Variants in GNAQ observed in about 807,000 individuals in gnomAD.
The protein encoded by GNAQ is G protein subunit alpha q, also known as guanine nucleotide-binding protein G(q) subunit alpha.
A neutral mutation model predicts 43.9 loss-of-function variants in GNAQ; 8 were observed. That is an observed-to-expected ratio of 0.18 (90% CI 0.11 to 0.33). GNAQ has a LOEUF of 0.33. Ranked by LOEUF, GNAQ falls within the 10% of genes least tolerant of loss-of-function variation. GNAQ has a pLI of 1.00. For synonymous variants in GNAQ, 155 were observed against 170.7 expected (o/e 0.91, Z 0.71); for missense variants, 158 against 450.8 (o/e 0.35, Z 5.88).
At chr9:77,762,310 C>T (rs1826051048) in intron 5 of GNAQ, among the ~76,000 whole-genome samples, 1 of 147,804 alleles carries the variant, frequency 6.8e-6, no homozygotes. Flanking sequence ...GGGGGTCAGC[C>T]CCCCGCCCGG....
chr9:77,851,107 T>C (rs773804843), intron 2 of GNAQ, among the ~76,000 whole-genome samples: 3 of 152,238 alleles, frequency 2.0e-5, no homozygotes, highest in African/African-American at 7.2e-5. Context: ...TACAAACCTG[T>C]GTTTATGAAT....
At chr9:77,902,153 A>G (rs1250350573) in intron 2 of GNAQ, among the ~76,000 whole-genome samples, 1 of 152,252 alleles carries the variant, frequency 6.6e-6, no homozygotes, top group African/African-American at 2.4e-5. Context: ...TCTTAGCATT[A>G]CATTAAAACT....
intron 5 of GNAQ, among the ~76,000 whole-genome samples, chr9:77,751,703 A>G (rs1825814287): frequency 6.6e-6 from 1 of 152,172 alleles, no homozygotes; most frequent in African/African-American, 2.4e-5. Context: ...TCTCCTTAGT[A>G]ATAAGACCTT....
chr9:77,805,362 G>A (rs904315675), intron 3 of GNAQ, among the ~76,000 whole-genome samples: 2 of 152,072 alleles, frequency 1.3e-5, no homozygotes, highest in African/African-American at 4.8e-5. Context: ...GTTCAAGGAT[G>A]TGCAGCATTT....
intron 1 of GNAQ, among the ~76,000 whole-genome samples, chr9:77,935,823 G>A (rs951352387): frequency 2.0e-5 from 3 of 152,200 alleles, no homozygotes; most frequent in African/African-American, 4.8e-5. Flanking sequence ...AATGGTAACA[G>A]AGCAGGAGTC....
intron 2 of GNAQ, among the ~76,000 whole-genome samples, chr9:77,876,177 C>T (rs555962694): frequency 5.3e-5 from 8 of 152,310 alleles, no homozygotes; most frequent in Admixed American, 1.3e-4. Flanking sequence ...CAGGATTCCA[C>T]AAAGCTGGCC....
At chr9:77,999,337 GA>G (rs1231285494) in intron 1 of GNAQ, among the ~76,000 whole-genome samples, 1 of 152,096 alleles carries the variant, frequency 6.6e-6, no homozygotes, top group African/African-American at 2.4e-5. Context: ...ATCTGAAATA[GA>G]AAGCAAATTT....
intron 1 of GNAQ, among the ~76,000 whole-genome samples, chr9:78,005,565 T>C (rs1367871098): frequency 6.6e-6 from 1 of 152,108 alleles, no homozygotes; most frequent in Non-Finnish European, 1.5e-5. Flanking sequence ...CCAAAACATA[T>C]CACGGAAGAA....
At chr9:77,961,575 A>G (rs1417496955) in intron 1 of GNAQ, among the ~76,000 whole-genome samples, 1 of 152,196 alleles carries the variant, frequency 6.6e-6, no homozygotes, top group Non-Finnish European at 1.5e-5. Flanking sequence ...CTGCACCACA[A>G]AGAAGGAATC....
chr9:77,737,509 T>C (rs758020637), intron 5 of GNAQ, among the ~76,000 whole-genome samples: 2 of 152,234 alleles, frequency 1.3e-5, no homozygotes, highest in African/African-American at 2.4e-5. Flanking sequence ...CCACAAGCTA[T>C]TGGAAAAGAC....
chr9:77,961,835 C>G (rs564099953), intron 1 of GNAQ, among the ~76,000 whole-genome samples: 4 of 152,068 alleles, frequency 2.6e-5, no homozygotes, highest in Non-Finnish European at 5.9e-5. Context: ...AATAAAGAAA[C>G]AGGAAAAGGT....
At chr9:77,855,855 T>C (rs1287579047) in intron 2 of GNAQ, among the ~76,000 whole-genome samples, 1 of 152,208 alleles carries the variant, frequency 6.6e-6, no homozygotes, top group African/African-American at 2.4e-5. Context: ...TCTATTGTTA[T>C]TTTATAATTT....
chr9:77,871,752 G>T (rs1490079503), intron 2 of GNAQ, among the ~76,000 whole-genome samples: 2 of 152,026 alleles, frequency 1.3e-5, no homozygotes, highest in African/African-American at 4.8e-5. Flanking sequence ...ACTTTTTTCT[G>T]ATCTATAATA....
At chr9:77,916,538 T>C (rs1354249566) in intron 2 of GNAQ, among the ~76,000 whole-genome samples, 1 of 152,214 alleles carries the variant, frequency 6.6e-6, no homozygotes, top group Admixed American at 6.5e-5. Context: ...CAAATGTGTT[T>C]AACGAGGTAC....
intron 2 of GNAQ, among the ~76,000 whole-genome samples, chr9:77,827,338 T>C (rs1295912339): frequency 6.9e-6 from 1 of 145,650 alleles, no homozygotes; most frequent in Non-Finnish European, 1.5e-5. Flanking sequence ...TGATTGGTGA[T>C]GTAGCAATGG....
At chr9:78,023,951 C>T (rs1322560572) in intron 1 of GNAQ, among the ~76,000 whole-genome samples, 1 of 151,618 alleles carries the variant, frequency 6.6e-6, no homozygotes, top group Non-Finnish European at 1.5e-5. Context: ...TGTGTATATA[C>T]ACACACACAC....
At chr9:77,732,824 G>A (rs1825517096) in intron 5 of GNAQ, among the ~76,000 whole-genome samples, 1 of 152,130 alleles carries the variant, frequency 6.6e-6, no homozygotes, top group Non-Finnish European at 1.5e-5. Flanking sequence ...ATGAAGGGTG[G>A]CTTTGGTGCA....
At chr9:77,977,023 CTACAATTA>C (rs1823311489) in intron 1 of GNAQ, among the ~76,000 whole-genome samples, 1 of 152,194 alleles carries the variant, frequency 6.6e-6, no homozygotes, top group South Asian at 2.1e-4. Context: ...AAATCTGCAG[CTACAATTA>C]TTAGGCAGGA....
At chr9:77,869,318 T>C (rs1044718445) in intron 2 of GNAQ, among the ~76,000 whole-genome samples, 2 of 152,134 alleles carry the variant, frequency 1.3e-5, no homozygotes, top group Non-Finnish European at 2.9e-5. Context: ...TTCATTTCAG[T>C]GGAAAAAACT....
Sources: gnomAD v4.1 joint callset for allele counts (sites outside exome capture counted in the v4.1 genomes callset) on GRCh38, gnomAD v4.1.1 for gene constraint, MANE v1.5 for transcripts, NCBI Gene and HGNC (gene_info 2026-07-23, HGNC 2026-07-21) for gene names.